SUV39H2: variants seen among roughly 807,000 people sequenced by gnomAD.
SUV39H2 encodes SUV39H2 histone lysine methyltransferase.
In SUV39H2, 10 loss-of-function variants were observed where a neutral mutation model predicts 47.5. The ratio of observed to expected loss-of-function variants is 0.21; its 90% CI spans 0.13 to 0.36. SUV39H2 has a LOEUF of 0.36. Ranked by LOEUF, SUV39H2 falls within the 10% of genes least tolerant of loss-of-function variation. The pLI, the probability that SUV39H2 is intolerant of heterozygous loss-of-function variation, is 1.00. For missense variants in SUV39H2, 266 were observed against 487.4 expected (o/e 0.55, Z 4.28); for synonymous variants, 159 against 166.8 (o/e 0.95, Z 0.36).
In SUV39H2 at chr10:14,878,906, C is replaced by A. The variant is rs1445105911; in HGVS notation, c.18C>A (p.Ala6=). The part of the protein sequence containing the change: MAAVG[A]EARGAWCVPC... ...TCTACAAGATGGCGGCGGTCGGGGC[C>A]GAGGCGCGAGGAGGTGAGGCTGGAG... The change falls in exon 1 of 6, where the codon GCC becomes GCA. Residue 6 remains alanine, a synonymous_variant. Transcript: ENST00000354919. 3 of 1,481,656 alleles carry A rather than the reference C, an allele frequency of 2.0e-6. 1 individual carries two copies. Among genetic ancestry groups the A allele is most frequent in the Admixed American group, 4.8e-5 (2 of 41,996 alleles). The allele number at this position is 1,481,656 out of a possible 1,614,324, so 91.8% of individuals were successfully genotyped here.
intron 2 of SUV39H2, 102 bp downstream of exon 2, chr10:14,881,747 G>C (rs1238239518): frequency 9.2e-7 from 1 of 1,090,482 alleles, no homozygotes; most frequent in Non-Finnish European, 1.2e-6. Context: ...TCTTCTTAAT[G>C]TTTAAAATTC....
intron 5 of SUV39H2, among the ~76,000 whole-genome samples, chr10:14,901,694 G>A (rs1306634908): frequency 6.6e-6 from 1 of 152,040 alleles, no homozygotes; most frequent in African/African-American, 2.4e-5. Context: ...AGCCGGGCGT[G>A]GTGGCGTGTG....
intron 2 of SUV39H2, among the ~76,000 whole-genome samples, chr10:14,890,180 A>C (rs1466565558): frequency 6.6e-6 from 1 of 152,244 alleles, no homozygotes; most frequent in Non-Finnish European, 1.5e-5. Context: ...AAATCATTAT[A>C]CTACAACCTG....
chr10:14,889,080 G>A (rs1462119009), intron 2 of SUV39H2, among the ~76,000 whole-genome samples: 1 of 151,014 alleles, frequency 6.6e-6, no homozygotes, highest in African/African-American at 2.4e-5. Context: ...TCCAGCCTGG[G>A]CTACAAGAGT....
chr10:14,901,545 CTTT>C (rs761960859), intron 5 of SUV39H2, among the ~76,000 whole-genome samples: 1 of 147,338 alleles, frequency 6.8e-6, no homozygotes. Flanking sequence ...TACTACTTGT[CTTT>C]TTTTTTTTTT....
At position 14,897,038 on chromosome 10, in the gene SUV39H2, G is replaced by A. The variant is rs773471129; in HGVS notation, c.370G>A (p.Ala124Thr). ...DNNKTLKPAI[A>T]EYIVKKAKQR... is the part of the protein sequence containing the mutation. ...TAACAAAACTTTGAAACCTGCCATT[G>A]CTGAGTACATTGTGAAGAAGGCTAA... Residue 124 changes from alanine to threonine, a missense_variant, in exon 3 of 6, where the codon GCT becomes ACT. By Grantham distance (58) the Ala-to-Thr change is moderately conservative. Around this residue, in one of 4 missense-constraint regions of SUV39H2, gnomAD observed 91 missense variants for 110.9 expected, o/e 0.82. Coordinates refer to ENST00000354919, the MANE Select transcript of SUV39H2 (RefSeq NM_001193424.2). 1.2e-6 allele frequency: 2 copies of A among 1,614,064 alleles called. No homozygotes were observed. The highest frequency in any genetic ancestry group is 2.2e-5 in the East Asian group (1 of 44,876).
At chr10:14,896,810 G>C (rs78737438) in intron 2 of SUV39H2, 36 bp from the exon 3 acceptor site, 5 of 1,486,608 alleles carry the variant, frequency 3.4e-6, no homozygotes, top group Middle Eastern at 1.9e-4. Context: ...GGAAATAGCC[G>C]TCTGATTTGC....
chr10:14,878,994 C>T, intron 1 of SUV39H2, 75 bp downstream of exon 1: 3 of 1,334,546 alleles, frequency 2.2e-6, no homozygotes, highest in Admixed American at 4.1e-5. Context: ...CGGGGCCGTC[C>T]CGCGGGCCAG....
At chr10:14,893,172 T>A (rs1205589751) in intron 2 of SUV39H2, among the ~76,000 whole-genome samples, 2 of 150,554 alleles carry the variant, frequency 1.3e-5, no homozygotes, top group South Asian at 2.1e-4. Context: ...CCCGGCTAAT[T>A]TTTTGTATTT....
chr10:14,898,002 T>A (rs1169246778), intron 3 of SUV39H2: 1 of 151,898 alleles, frequency 6.6e-6, no homozygotes, highest in Non-Finnish European at 1.5e-5. Context: ...GCATCCATAA[T>A]CTGTAACTTA....
intron 2 of SUV39H2, among the ~76,000 whole-genome samples, chr10:14,895,198 A>C (rs1833529647): frequency 6.9e-6 from 1 of 144,024 alleles, no homozygotes; most frequent in South Asian, 2.2e-4. Flanking sequence ...TTTTTTTGAC[A>C]TGGAGTCTCA....
At chr10:14,883,939 G>A (rs1394968998) in intron 2 of SUV39H2, among the ~76,000 whole-genome samples, 1 of 152,080 alleles carries the variant, frequency 6.6e-6, no homozygotes, top group African/African-American at 2.4e-5. Flanking sequence ...TACCATATGT[G>A]GTCCTTTGTG....
At position 14,893,844 on chromosome 10, in the gene SUV39H2, T is replaced by C. The variant is rs550970387; in HGVS notation, c.178-3002T>C. On this transcript the variant is annotated intron_variant, in intron 2 of 5. Transcript: ENST00000354919. The stretch of plus-strand genomic sequence containing the variant: ...CTAAGATTAAATACAATTAATTATT[T>C]GGGAAATAACTTCAGTGGCAGATGT... Among the ~76,000 whole-genome samples, 6 of 152,358 alleles carry C rather than the reference T, an allele frequency of 3.9e-5. No homozygotes were observed. In the South Asian group the frequency reaches 1.2e-3, roughly 32 times the overall value.
chr10:14,884,940 A>T (rs143478643), intron 2 of SUV39H2, among the ~76,000 whole-genome samples: 3 of 152,340 alleles, frequency 2.0e-5, no homozygotes, highest in African/African-American at 7.2e-5. Context: ...GCGTGGAACA[A>T]AGGCCAGCGT....
chr10:14,902,530 A>T lies in SUV39H2; in HGVS notation c.*18A>T, dbSNP rs1410577259. ...TCAACTGAACTTTTTCAGGAAATAGAGCTGATGATTATAATATTTTTTTCC... is the reference window on the plus strand; with the variant it reads ...TCAACTGAACTTTTTCAGGAAATAGTGCTGATGATTATAATATTTTTTTCC... On this transcript the variant is annotated 3_prime_UTR_variant, in exon 6 of 6. Transcript: ENST00000354919. 6.9e-7 allele frequency: 1 copy of T among 1,448,764 alleles called. No individual in the cohort carries two copies. Among genetic ancestry groups the T allele is most frequent in the Admixed American group, 2.3e-5 (1 of 44,240 alleles). The allele number at this position is 1,448,764 out of a possible 1,614,324, so 89.7% of individuals were successfully genotyped here.
At chr10:14,891,833 G>C (rs1364850238) in intron 2 of SUV39H2, among the ~76,000 whole-genome samples, 1 of 152,212 alleles carries the variant, frequency 6.6e-6, no homozygotes, top group African/African-American at 2.4e-5. Context: ...TTGGGCTGCA[G>C]TTAAAACTTG....
At chr10:14,884,949 G>A (rs114571348) in intron 2 of SUV39H2, among the ~76,000 whole-genome samples, 90 of 152,290 alleles carry the variant, frequency 5.9e-4, no homozygotes, top group African/African-American at 1.7e-3. Context: ...AAAGGCCAGC[G>A]TGGTAATTAT....
intron 2 of SUV39H2, among the ~76,000 whole-genome samples, chr10:14,892,766 A>G (rs1036070890): frequency 6.6e-6 from 1 of 152,074 alleles, no homozygotes; most frequent in African/African-American, 2.4e-5. Context: ...TATAGATCCT[A>G]AAATATTTGA....
intron 1 of SUV39H2, chr10:14,879,147 G>T: frequency 8.2e-7 from 1 of 1,226,838 alleles, no homozygotes; most frequent in Non-Finnish European, 1.0e-6. Context: ...GTCCGAGCCT[G>T]GGGCACTTCG....
Sources: gnomAD v4.1 joint callset for allele counts (sites outside exome capture counted in the v4.1 genomes callset) on GRCh38, gnomAD v4.1.1 for gene constraint, gnomAD v4.1.1 regional missense constraint, MANE v1.5 for transcripts, NCBI Gene and HGNC (gene_info 2026-07-23, HGNC 2026-07-21) for gene names.